Variants in RAPGEF6 observed in about 807,000 individuals in gnomAD.
RAPGEF6 encodes the protein PDZ domain containing guanine nucleotide exchange factor (GEF) 2.
Under a neutral mutation model 171.4 loss-of-function variants are expected in RAPGEF6, and 56 were observed. The ratio of observed to expected loss-of-function variants is 0.33; its 90% confidence interval spans 0.26 to 0.41. The LOEUF (loss-of-function observed/expected upper bound fraction) is 0.41. Among genes scored for constraint, RAPGEF6 ranks in the 10% least tolerant of loss-of-function variants. The pLI is 1.00. For missense variants in RAPGEF6, 1,674 were observed against 1,921.4 expected, an observed-to-expected ratio of 0.87 and a Z score of 2.41; for synonymous variants, 692 against 650.1, an observed-to-expected ratio of 1.06 and a Z score of -0.98.
chr5:131,562,828 C>T (rs568860822), intron 4 of RAPGEF6, among the ~76,000 whole-genome samples: 10 of 151,924 alleles, frequency 6.6e-5, no homozygotes, highest in South Asian at 4.2e-4. Flanking sequence ...GTGAAACCCA[C>T]GGATATGAAG....
At chr5:131,482,539 A>G (rs976887876) in intron 15 of RAPGEF6, among the ~76,000 whole-genome samples, 2 of 152,114 alleles carry the variant, frequency 1.3e-5, no homozygotes. Context: ...CTGGGCTCAA[A>G]TGATCCTTCT....
intron 24 of RAPGEF6, among the ~76,000 whole-genome samples, chr5:131,438,111 C>CAGGCAGGGA (rs375777834): frequency 0.22 from 33,348 of 152,110 alleles, 4,001 homozygotes; most frequent in East Asian, 0.49. Flanking sequence ...GCCTCGGCCT[C>CAGGCAGGGA]CTGAGTAGCT....
chr5:131,476,525 G>C (rs1300609582), intron 16 of RAPGEF6, among the ~76,000 whole-genome samples: 1 of 152,090 alleles, frequency 6.6e-6, no homozygotes, highest in Non-Finnish European at 1.5e-5. Flanking sequence ...AGTGGCACGA[G>C]CTTGGCTCGC....
chr5:131,528,829 G>A (rs1759167659), intron 6 of RAPGEF6, among the ~76,000 whole-genome samples: 1 of 152,154 alleles, frequency 6.6e-6, no homozygotes, highest in Non-Finnish European at 1.5e-5. Context: ...GTCATGGTGA[G>A]GACTTGGACT....
intron 14 of RAPGEF6, among the ~76,000 whole-genome samples, chr5:131,492,267 G>A (rs1756334622): frequency 6.6e-6 from 1 of 152,098 alleles, no homozygotes; most frequent in South Asian, 2.1e-4. Context: ...TGATCGTTCT[G>A]GAGTATTCTC....
At chr5:131,603,551 T>C (rs1414624979) in intron 2 of RAPGEF6, among the ~76,000 whole-genome samples, 3 of 152,042 alleles carry the variant, frequency 2.0e-5, no homozygotes, top group East Asian at 1.9e-4. Context: ...CTTAATACTC[T>C]TTATGTACAT....
intron 1 of RAPGEF6, among the ~76,000 whole-genome samples, chr5:131,613,813 C>T (rs1765093407): frequency 6.6e-6 from 1 of 152,018 alleles, no homozygotes; most frequent in Non-Finnish European, 1.5e-5. Context: ...TTTATTTTTC[C>T]AACCTCCCAT....
At chr5:131,618,038 A>G (rs2150030862) in intron 1 of RAPGEF6, among the ~76,000 whole-genome samples, 1 of 152,330 alleles carries the variant, frequency 6.6e-6, no homozygotes. Flanking sequence ...AGTTCTTTGG[A>G]TAAACGGCTG....
intron 4 of RAPGEF6, among the ~76,000 whole-genome samples, chr5:131,570,244 C>T (rs573207542): frequency 6.6e-6 from 1 of 151,804 alleles, no homozygotes; most frequent in Non-Finnish European, 1.5e-5. Flanking sequence ...ATAAAAAGAC[C>T]CCCTACATCA....
chr5:131,427,814 A>C (rs1751463346), intron 27 of RAPGEF6, among the ~76,000 whole-genome samples: 1 of 152,202 alleles, frequency 6.6e-6, no homozygotes, highest in Non-Finnish European at 1.5e-5. Context: ...CATTTAAAAA[A>C]TACACCATCA....
At chr5:131,463,906 T>C (rs1580864050) in intron 18 of RAPGEF6, 135 bp downstream of exon 18, 7 of 1,409,208 alleles carry the variant, frequency 5.0e-6, no homozygotes, top group South Asian at 1.8e-5. Flanking sequence ...TGACAAGATA[T>C]TTTATCAAGC....
intron 18 of RAPGEF6, among the ~76,000 whole-genome samples, chr5:131,463,154 G>A (rs1236372624): frequency 6.6e-6 from 1 of 152,150 alleles, no homozygotes; most frequent in East Asian, 1.9e-4. Context: ...CAGGGTCTAT[G>A]CTCTTAACCA....
At position 131,438,679 on chromosome 5, in the gene RAPGEF6, T is replaced by A. The variant is rs564979990; in HGVS notation, c.3745+902A>T. ...CATGTGCAGCTAACATGAAATGGCATCTGCTGCACACTGCCCAGGCTAGCC... is the reference window on the plus strand; with the variant it reads ...CATGTGCAGCTAACATGAAATGGCAACTGCTGCACACTGCCCAGGCTAGCC... On this transcript the variant is annotated intron_variant, in intron 24 of 27. Transcript: ENST00000509018. Among the ~76,000 whole-genome samples, 359 of 152,280 alleles carry A rather than the reference T, an allele frequency of 2.4e-3. 5 individuals are homozygous for A. The highest frequency in any genetic ancestry group is 0.02 in the South Asian group (96 of 4,824).
At chr5:131,552,530 G>A (rs1243670331) in intron 5 of RAPGEF6, among the ~76,000 whole-genome samples, 2 of 146,650 alleles carry the variant, frequency 1.4e-5, no homozygotes, top group African/African-American at 5.1e-5. Flanking sequence ...GCGCAATCTT[G>A]GCCCACTGCA....
intron 15 of RAPGEF6, among the ~76,000 whole-genome samples, chr5:131,484,495 G>A (rs569948957): frequency 3.2e-4 from 48 of 152,178 alleles, no homozygotes; most frequent in African/African-American, 1.0e-3. Context: ...GATTACAGGC[G>A]TGAGCCACTG....
Position 131,470,510 on chromosome 5 carries a change from T to C in RAPGEF6, c.2239+2077A>G, listed in dbSNP as rs115420872. ...TATTCCCTCAGCCCCACATCCTACA[T>C]ATACCTATGGCAAACATACAGCCAT... On this transcript the variant is annotated intron_variant, in intron 17 of 27. Transcript: ENST00000509018. Among the ~76,000 whole-genome samples, 525 of 152,306 alleles carry C rather than the reference T, an allele frequency of 3.4e-3. 4 individuals carry two copies. The highest frequency in any genetic ancestry group is 0.012 in the African/African-American group (507 of 41,568).
intron 9 of RAPGEF6, among the ~76,000 whole-genome samples, chr5:131,507,153 TATATA>T (rs889285384): frequency 1.6e-4 from 23 of 139,660 alleles, no homozygotes; most frequent in South Asian, 1.3e-3. Context: ...TTTACTTATA[TATATA>T]ATATATGTAA....
intron 6 of RAPGEF6, among the ~76,000 whole-genome samples, chr5:131,535,355 G>T (rs1464504949): frequency 6.6e-6 from 1 of 152,112 alleles, no homozygotes; most frequent in Non-Finnish European, 1.5e-5. Flanking sequence ...CCTTTGAAGA[G>T]AATAGTAATT....
At chr5:131,632,877 A>AAC in intron 1 of RAPGEF6, among the ~76,000 whole-genome samples, 1 of 152,200 alleles carries the variant, frequency 6.6e-6, no homozygotes. Context: ...TTAACCTCTT[A>AAC]TGCTGCTAGA....
Sources: gnomAD v4.1 joint callset for allele counts (sites outside exome capture counted in the v4.1 genomes callset) on GRCh38, gnomAD v4.1.1 for gene constraint, MANE v1.5 for transcripts, NCBI Gene and HGNC (gene_info 2026-07-23, HGNC 2026-07-21) for gene names.